The following CCSER1 variants were observed in gnomAD, a reference collection of about 807,000 sequenced individuals.
CCSER1 encodes the protein serine-rich coiled-coil domain-containing protein 1.
CCSER1 carries 41 observed loss-of-function variants against 82.0 expected under a neutral mutation model. The ratio of observed to expected loss-of-function variants is 0.50; its 90% CI spans 0.39 to 0.65. CCSER1 has a LOEUF of 0.65. CCSER1 is among the 30% of genes least tolerant of loss of function. CCSER1 has a pLI of 0.00. For missense variants in CCSER1, 1,119 were observed against 1,064.2 expected (o/e 1.05, Z -0.72); for synonymous variants, 414 against 383.9 (o/e 1.08, Z -0.92).
chr4:90,297,934 A>C (rs1440751080), intron 1 of CCSER1, among the ~76,000 whole-genome samples: 1 of 152,078 alleles, frequency 6.6e-6, no homozygotes, highest in Non-Finnish European at 1.5e-5. Context: ...ATGTTCATCA[A>C]GGATATTGGT....
rs555933825 is a variant in CCSER1, at chr4:90,354,242, G to A, written c.1509+41195G>A. The stretch of plus-strand genomic sequence containing the variant: ...TCACTTATTTGTGGAATATAAAAAA[G>A]TTGGAGTATTAACAGCTGAGAGTAA... On this transcript the variant is annotated intron_variant, in intron 3 of 10. Coordinates refer to ENST00000509176, the MANE Select transcript of CCSER1 (RefSeq NM_001145065.2). Among the ~76,000 whole-genome samples the A allele has an allele frequency of 9.5e-4, 144 of 152,288 alleles. No individual in the cohort carries two copies. In the Middle Eastern group the frequency reaches 0.02, roughly 22 times the overall value.
At chr4:90,935,358 T>C (rs1004377535) in intron 9 of CCSER1, among the ~76,000 whole-genome samples, 2 of 152,114 alleles carry the variant, frequency 1.3e-5, no homozygotes, top group African/African-American at 4.8e-5. Flanking sequence ...GGGTAGTGAG[T>C]GTCCTGTCTG....
At chr4:91,287,351 C>A (rs1183704646) in intron 10 of CCSER1, among the ~76,000 whole-genome samples, 4 of 151,894 alleles carry the variant, frequency 2.6e-5, no homozygotes, top group Admixed American at 2.6e-4. Flanking sequence ...TTCAATTAAT[C>A]AGTTTATTTC....
chr4:90,857,550 A>G (rs1764593301), intron 8 of CCSER1, among the ~76,000 whole-genome samples: 4 of 152,090 alleles, frequency 2.6e-5, no homozygotes, highest in Admixed American at 2.6e-4. Flanking sequence ...CATTGCATAC[A>G]TGAGAAAGGA....
chr4:91,270,735 G>T (rs1349215024), intron 10 of CCSER1, among the ~76,000 whole-genome samples: 2 of 152,118 alleles, frequency 1.3e-5, no homozygotes, highest in African/African-American at 2.4e-5. Flanking sequence ...TTGTAGCCAT[G>T]GAAATTTACT....
intron 10 of CCSER1, among the ~76,000 whole-genome samples, chr4:91,090,106 G>A (rs926662985): frequency 1.8e-4 from 27 of 152,180 alleles, no homozygotes; most frequent in African/African-American, 6.5e-4. Flanking sequence ...GTGCCCAAGT[G>A]GTGGGTCCAC....
chr4:90,253,970 A>G (rs1722826871), intron 1 of CCSER1, among the ~76,000 whole-genome samples: 1 of 152,148 alleles, frequency 6.6e-6, no homozygotes, highest in Admixed American at 6.6e-5. Context: ...GTCTGATCCA[A>G]TTAAATTTAG....
intron 5 of CCSER1, among the ~76,000 whole-genome samples, chr4:90,624,421 A>T (rs893688759): frequency 2.0e-5 from 3 of 152,194 alleles, no homozygotes; most frequent in Non-Finnish European, 4.4e-5. Flanking sequence ...TCATAAAAAT[A>T]TTCTTACTTT....
At chr4:91,009,706 A>G (rs977168745) in intron 9 of CCSER1, among the ~76,000 whole-genome samples, 2 of 152,172 alleles carry the variant, frequency 1.3e-5, no homozygotes, top group African/African-American at 2.4e-5. Context: ...TGAGGCTTAC[A>G]TAAAATATTC....
At chr4:90,653,902 A>G (rs1161702808) in intron 6 of CCSER1, among the ~76,000 whole-genome samples, 1 of 152,176 alleles carries the variant, frequency 6.6e-6, no homozygotes, top group East Asian at 1.9e-4. Context: ...CTTAACAGGA[A>G]GCATGACTGG....
chr4:90,198,565 A>C (rs578045184), intron 1 of CCSER1, among the ~76,000 whole-genome samples: 1 of 152,236 alleles, frequency 6.6e-6, no homozygotes, highest in South Asian at 2.1e-4. Flanking sequence ...TTGAACATGA[A>C]ATTTTAGGTG....
intron 9 of CCSER1, among the ~76,000 whole-genome samples, chr4:90,993,070 A>G (rs1050734406): frequency 3.1e-4 from 47 of 152,092 alleles, no homozygotes; most frequent in African/African-American, 1.1e-3. Context: ...GCATCTTCAT[A>G]TGTGACTTCA....
rs1031971640 is a variant in CCSER1, at chr4:90,174,197, T to C, written c.-42+46366T>C. ...GAGATGCCTAAAAAGTCAAAAACTC[T>C]GAAGTATAAGGAATATAAATATAAC... On this transcript the variant is annotated intron_variant, in intron 1 of 10. Coordinates refer to ENST00000509176, the MANE Select transcript of CCSER1 (RefSeq NM_001145065.2). 3.3e-5 allele frequency among the ~76,000 whole-genome samples: 5 copies of C among 152,026 alleles called. No homozygotes were observed. The East Asian group carries it at 9.7e-4, about 29-fold the overall frequency.
At chr4:91,589,990 T>G (rs1172353865) in intron 10 of CCSER1, among the ~76,000 whole-genome samples, 1 of 152,024 alleles carries the variant, frequency 6.6e-6, no homozygotes, top group Non-Finnish European at 1.5e-5. Flanking sequence ...GTTCATTTAC[T>G]CTAATTATAA....
intron 10 of CCSER1, among the ~76,000 whole-genome samples, chr4:91,219,600 G>A (rs1434083714): frequency 6.6e-6 from 1 of 152,050 alleles, no homozygotes; most frequent in Non-Finnish European, 1.5e-5. Context: ...ACCATGCCCA[G>A]CCCAGTTTGA....
At chr4:90,852,714 G>A (rs1764027450) in intron 8 of CCSER1, among the ~76,000 whole-genome samples, 1 of 152,184 alleles carries the variant, frequency 6.6e-6, no homozygotes, top group African/African-American at 2.4e-5. Context: ...AAGAGGAAAG[G>A]AAGGGTAAAT....
chr4:90,538,346 C>T (rs1357388054), intron 5 of CCSER1, among the ~76,000 whole-genome samples: 1 of 151,980 alleles, frequency 6.6e-6, no homozygotes, highest in Non-Finnish European at 1.5e-5. Flanking sequence ...ATTTAATTTA[C>T]ATAGTATTTA....
intron 9 of CCSER1, among the ~76,000 whole-genome samples, chr4:91,008,467 C>G (rs546182395): frequency 1.3e-5 from 2 of 152,236 alleles, no homozygotes; most frequent in East Asian, 3.9e-4. Context: ...CTTTCTGTCT[C>G]TTGTGACAGT....
At chr4:91,363,104 AT>A in intron 10 of CCSER1, among the ~76,000 whole-genome samples, 1 of 151,688 alleles carries the variant, frequency 6.6e-6, no homozygotes, top group South Asian at 2.1e-4. Context: ...ACAAATTTTC[AT>A]TCGTGAGTCA....
Sources: gnomAD v4.1 joint callset for allele counts (sites outside exome capture counted in the v4.1 genomes callset) on GRCh38, gnomAD v4.1.1 for gene constraint, MANE v1.5 for transcripts, NCBI Gene and HGNC (gene_info 2026-07-23, HGNC 2026-07-21) for gene names.